Variants in SMC6 observed in about 807,000 individuals in gnomAD.
SMC6 encodes structural maintenance of chromosomes protein 6.
A neutral mutation model predicts 142.2 loss-of-function variants in SMC6; 79 were observed. That is an observed-to-expected ratio of 0.56 (90% CI 0.46 to 0.67). SMC6 has a LOEUF of 0.67. Among genes scored for constraint, SMC6 ranks in the 30% least tolerant of loss-of-function variants. SMC6 has a pLI of 0.00. For missense variants in SMC6, 1,072 were observed against 1,284.0 expected, an observed-to-expected ratio of 0.83 and a Z score of 2.52; for synonymous variants, 411 against 412.4, an observed-to-expected ratio of 1.00 and a Z score of 0.04.
intron 8 of SMC6, 72 bp from the exon 9 acceptor site, chr2:17,725,430 A>G (rs1669567665): frequency 9.4e-7 from 1 of 1,068,478 alleles, no homozygotes. Flanking sequence ...AAAGAAAAAG[A>G]AAAATTTAGT....
chr2:17,670,497 C>A lies in SMC6; in HGVS notation c.2989G>T (p.Val997Leu), dbSNP rs1371180815. 1 of 1,609,498 alleles carries A rather than the reference C, an allele frequency of 6.2e-7. No individual in the cohort carries two copies. The highest frequency in any genetic ancestry group is 8.5e-7 in the Non-Finnish European group (1 of 1,178,774). Residue 997 changes from valine (V) to leucine (L), a missense_variant, in exon 26 of 28, where the codon GTG becomes TTG. Physicochemically the swap from Val to Leu is conservative, Grantham distance 32. This residue lies in a region of SMC6 where 2 missense variants were observed against 18.5 expected (regional missense o/e 0.11). Transcript: ENST00000448223. The part of the protein sequence containing the change: ...LSGGERSFST[V>L]CFILSLWSIA... ...GACCACAGGGAAAGAATAAAACACA[C>A]TGTGGAGAAAGAACGTTCACCTCCA...
chr2:17,679,172 T>C (rs1219055809), intron 24 of SMC6: 1 of 434,482 alleles, frequency 2.3e-6, no homozygotes, highest in Non-Finnish European at 4.1e-6. Flanking sequence ...CCAGTTCATT[T>C]ACTTTTATAA....
chr2:17,721,021 T>C lies in SMC6; in HGVS notation c.864A>G (p.Lys288=), dbSNP rs139308239. The C allele has an allele frequency of 2.3e-4, 375 of 1,613,572 alleles. No individual in the cohort carries two copies. The highest frequency in any genetic ancestry group is 3.0e-4 in the Non-Finnish European group (355 of 1,179,842). Reference sequence around the variant, plus strand: ...TATTATCTCTGATGGCATTCAATTGTTTTTCAATTTCATTGACCTAAGAAA... The same window carrying C: ...TATTATCTCTGATGGCATTCAATTGCTTTTCAATTTCATTGACCTAAGAAA... ...MAWAVVNEIE[K]QLNAIRDNIK... is the part of the protein sequence containing the mutation. Residue 288 remains lysine, a synonymous_variant, in exon 11 of 28, where the codon AAA becomes AAG. Transcript: ENST00000448223.
chr2:17,711,089 C>T (rs372680892), intron 16 of SMC6, among the ~76,000 whole-genome samples: 28 of 152,218 alleles, frequency 1.8e-4, no homozygotes, highest in African/African-American at 6.7e-4. Context: ...TAGACTCTCG[C>T]TAGCCTGTTG....
At chr2:17,721,731 C>G (rs1324311910) in intron 9 of SMC6, among the ~76,000 whole-genome samples, 1 of 149,060 alleles carries the variant, frequency 6.7e-6, no homozygotes, top group Non-Finnish European at 1.5e-5. Context: ...GAGTCTCACT[C>G]TGTTACCAGG....
chr2:17,700,835 C>T (rs1395151697), intron 20 of SMC6, among the ~76,000 whole-genome samples: 1 of 151,808 alleles, frequency 6.6e-6, no homozygotes, highest in East Asian at 1.9e-4. Context: ...AGTTTGAGAC[C>T]AGCCTGACCA....
chr2:17,670,468 G>T lies in SMC6; in HGVS notation c.3018C>A (p.Ile1006=), dbSNP rs372590760. 2.5e-6 allele frequency: 4 copies of T among 1,613,682 alleles called. No homozygotes were observed. The highest frequency in any genetic ancestry group is 3.4e-6 in the Non-Finnish European group (4 of 1,179,818). The change falls in exon 26 of 28, where the codon ATC becomes ATA. Residue 1006 remains isoleucine (I), a synonymous_variant. Coordinates refer to ENST00000448223, the MANE Select transcript of SMC6 (RefSeq NM_001142286.2). ...CCAGGCATCTGAAAGGAGATTCTGC[G>T]ATGGACCACAGGGAAAGAATAAAAC... ...TVCFILSLWS[I]AESPFRCLDE... is the part of the protein sequence containing the mutation.
intron 23 of SMC6, among the ~76,000 whole-genome samples, chr2:17,690,424 C>T (rs1667649178): frequency 6.6e-6 from 1 of 151,984 alleles, no homozygotes; most frequent in Non-Finnish European, 1.5e-5. Context: ...GAAACTCCAG[C>T]TCTACTAAAA....
chr2:17,666,326 T>G, intron 27 of SMC6, 94 bp downstream of exon 27: 1 of 858,306 alleles, frequency 1.2e-6, no homozygotes, highest in Non-Finnish European at 1.8e-6. Flanking sequence ...TCATTGGTCT[T>G]GTATGTATTT....
chr2:17,683,489 G>A (rs896778218), intron 24 of SMC6, 149 bp downstream of exon 24: 8 of 713,442 alleles, frequency 1.1e-5, no homozygotes, highest in East Asian at 6.2e-5. Context: ...CTTCAGATTC[G>A]GAATTGTCTG....
rs183894580 is a variant in SMC6, at chr2:17,718,186, A to G, written c.983T>C (p.Ile328Thr). Reference protein sequence around the residue: ...LNEAEQKYKDIQDKLEKISEE... With the variant: ...LNEAEQKYKDTQDKLEKISEE... ...ACTAATCTTTTCTAGTTTGTCTTGA[A>G]TATCCTTGTACTTTTGTTCTGCCTC... Residue 328 changes from isoleucine to threonine, a missense_variant, in exon 12 of 28, where the codon ATT becomes ACT. Physicochemically the swap from Ile to Thr is moderately conservative, Grantham distance 89. Around this residue, in one of 3 missense-constraint regions of SMC6, gnomAD observed 994 missense variants for 1,153.2 expected, o/e 0.86. Coordinates refer to ENST00000448223, the MANE Select transcript of SMC6 (RefSeq NM_001142286.2). 65 of 1,609,240 alleles carry G rather than the reference A, an allele frequency of 4.0e-5. No homozygotes were observed. In the Admixed American group the frequency reaches 1.0e-3, roughly 25 times the overall value.
intron 23 of SMC6, among the ~76,000 whole-genome samples, chr2:17,691,554 G>A (rs1558337269): frequency 6.6e-6 from 1 of 151,578 alleles, no homozygotes; most frequent in Non-Finnish European, 1.5e-5. Flanking sequence ...AGGTATTGAT[G>A]GGACGTATCT....
chr2:17,697,384 C>T (rs563848249), intron 21 of SMC6, among the ~76,000 whole-genome samples: 43 of 151,884 alleles, frequency 2.8e-4, no homozygotes, highest in African/African-American at 9.9e-4. Flanking sequence ...CAGGTCAATA[C>T]AAAATTCAGT....
At chr2:17,683,073 C>T (rs1224957476) in intron 24 of SMC6, among the ~76,000 whole-genome samples, 1 of 152,068 alleles carries the variant, frequency 6.6e-6, no homozygotes, top group East Asian at 1.9e-4. Flanking sequence ...TTATTTCTGT[C>T]ACTTGTGATC....
intron 25 of SMC6, among the ~76,000 whole-genome samples, chr2:17,673,055 C>T (rs933970403): frequency 1.3e-5 from 2 of 152,154 alleles, no homozygotes; most frequent in Non-Finnish European, 2.9e-5. Context: ...AATTCCACAT[C>T]CTCACCAGCA....
Position 17,683,651 on chromosome 2 carries a change from G to C in SMC6, c.2791C>G (p.Gln931Glu), listed in dbSNP as rs765063246. The C allele has an allele frequency of 1.2e-6, 2 of 1,610,282 alleles. No homozygotes were observed. Among genetic ancestry groups the C allele is most frequent in the Non-Finnish European group, 1.7e-6 (2 of 1,177,674 alleles). ...CAATGTACTTACCTTCTAAATTGTT[G>C]ATATGTCTTGAATCTGTGCTCCATG... is the stretch of plus-strand genomic sequence containing the variant. ...EIMEHRFKTY[Q>E]QFRRCLTLRC... is the part of the protein sequence containing the mutation. The change falls in exon 24 of 28, where the codon CAA becomes GAA. Residue 931 changes from glutamine (Q) to glutamate (E), a missense_variant. Physicochemically the swap from Gln to Glu is conservative, Grantham distance 29 (BLOSUM62 2). Coordinates refer to ENST00000448223, the MANE Select transcript of SMC6 (RefSeq NM_001142286.2).
rs781505061 is a variant in SMC6, at chr2:17,725,290, T to A, written c.693A>T (p.Glu231Asp). The stretch of plus-strand genomic sequence containing the variant: ...CTTGATGTATCTGCTCCTTTGTTCT[T>A]TCTTTCGTTTCCATAATGTATGAAT... The part of the protein sequence containing the change: ...EDYSYIMETK[E>D]RTKEQIHQGE... Residue 231 changes from glutamate to aspartate, a missense_variant, in exon 9 of 28, where the codon GAA becomes GAT. Physicochemically the swap from Glu to Asp is conservative, Grantham distance 45 (BLOSUM62 2). Coordinates refer to ENST00000448223, the MANE Select transcript of SMC6 (RefSeq NM_001142286.2). The A allele has an allele frequency of 1.1e-5, 17 of 1,608,836 alleles. 1 individual carries two copies. In the South Asian group the frequency reaches 1.9e-4, roughly 18 times the overall value.
At chr2:17,736,760 T>C (rs1348366392) in intron 5 of SMC6, among the ~76,000 whole-genome samples, 1 of 151,038 alleles carries the variant, frequency 6.6e-6, no homozygotes, top group Non-Finnish European at 1.5e-5. Flanking sequence ...TAGTCCCAGC[T>C]ACTTGGGAGG....
Position 17,718,096 on chromosome 2 carries a change from C to G in SMC6, c.1073G>C (p.Arg358Thr), listed in dbSNP as rs200467297. 63 of 1,608,926 alleles carry G rather than the reference C, an allele frequency of 3.9e-5. No homozygotes were observed. The South Asian group carries it at 6.9e-4, about 18-fold the overall frequency. The change falls in exon 12 of 28, where the codon AGG (arginine) becomes ACG (threonine). Residue 358 changes from arginine (R) to threonine (T), a missense_variant. This residue lies in a region of SMC6 where 994 missense variants were observed against 1,153.2 expected (regional missense o/e 0.86). Coordinates refer to ENST00000448223, the MANE Select transcript of SMC6 (RefSeq NM_001142286.2). Reference protein sequence around the residue: ...ALKADVVAKKRAYNEAEVLYN... With the variant: ...ALKADVVAKKTAYNEAEVLYN... ...TCTCACCTCAGCTTCATTATAGGCC[C>G]TTTTCTTAGCAACAACATCTGCTTT...
Sources: allele counts gnomAD v4.1 joint callset (sites outside exome capture counted in the v4.1 genomes callset), GRCh38; gene constraint gnomAD v4.1.1; regional missense constraint gnomAD v4.1.1; transcripts MANE v1.5; gene names NCBI Gene and HGNC (gene_info 2026-07-23, HGNC 2026-07-21).